TMEM232: variants seen among roughly 807,000 people sequenced by gnomAD.
The protein encoded by TMEM232 is transmembrane protein 232.
TMEM232 carries 80 observed loss-of-function variants against 78.8 expected under a neutral mutation model. The ratio of observed to expected loss-of-function variants is 1.01; its 90% CI spans 0.85 to 1.22. The LOEUF (loss-of-function observed/expected upper bound fraction) is 1.22, where lower values mean the gene tolerates loss of function less well. TMEM232 is among the 50% of genes most tolerant of loss of function. TMEM232 has a pLI of 0.00. For synonymous variants in TMEM232, 297 were observed against 254.3 expected (o/e 1.17, Z -1.60); for missense variants, 881 against 742.2 (o/e 1.19, Z -2.17).
chr5:110,539,778 C>G (rs2149573940), intron 11 of TMEM232, among the ~76,000 whole-genome samples: 1 of 152,258 alleles, frequency 6.6e-6, no homozygotes, highest in African/African-American at 2.4e-5. Flanking sequence ...AATTTCCTGG[C>G]AGACAGGGGA....
chr5:110,606,393 C>T (rs779531490), intron 8 of TMEM232, 106 bp from the exon 9 acceptor site: 48 of 1,110,834 alleles, frequency 4.3e-5, no homozygotes, highest in Non-Finnish European at 5.3e-5. Flanking sequence ...TGCATGTCTG[C>T]ATTACCAGAT....
At chr5:110,509,626 T>C (rs1006723014) in intron 12 of TMEM232, among the ~76,000 whole-genome samples, 5 of 152,198 alleles carry the variant, frequency 3.3e-5, no homozygotes, top group Non-Finnish European at 7.3e-5. Flanking sequence ...ATACATTATA[T>C]ATGGTATACA....
intron 11 of TMEM232, among the ~76,000 whole-genome samples, chr5:110,559,350 C>T (rs547814979): frequency 3.0e-4 from 45 of 151,924 alleles, no homozygotes; most frequent in East Asian, 7.7e-4. Context: ...AAATGAATGG[C>T]GTTACAATTT....
intron 12 of TMEM232, among the ~76,000 whole-genome samples, chr5:110,480,899 A>C (rs1218194215): frequency 6.6e-6 from 1 of 152,070 alleles, no homozygotes; most frequent in African/African-American, 2.4e-5. Context: ...TAAACAACCT[A>C]CATTGAATTC....
chr5:110,428,356 T>C (rs992233668), intron 12 of TMEM232, among the ~76,000 whole-genome samples: 3 of 151,894 alleles, frequency 2.0e-5, no homozygotes, highest in African/African-American at 7.2e-5. Context: ...AAACTTTCAA[T>C]TGTAAATTTT....
chr5:110,402,758 G>A (rs192407639), intron 2 of TMEM232, among the ~76,000 whole-genome samples: 3 of 152,180 alleles, frequency 2.0e-5, no homozygotes, highest in Admixed American at 6.6e-5. Flanking sequence ...AAGTCCAGAT[G>A]TCCAGATAGC....
At chr5:110,675,613 C>A (rs1419273444) in intron 1 of TMEM232, among the ~76,000 whole-genome samples, 1 of 152,178 alleles carries the variant, frequency 6.6e-6, no homozygotes, top group African/African-American at 2.4e-5. Flanking sequence ...ACTAGCTCAG[C>A]TGGCACCTTT....
chr5:110,492,745 T>C (rs2149423088), intron 12 of TMEM232, among the ~76,000 whole-genome samples: 1 of 152,102 alleles, frequency 6.6e-6, no homozygotes, highest in South Asian at 2.1e-4. Flanking sequence ...TAAGAACCAA[T>C]ACTCTACAGA....
At chr5:110,545,229 T>C (rs1344470542) in intron 11 of TMEM232, among the ~76,000 whole-genome samples, 1 of 152,016 alleles carries the variant, frequency 6.6e-6, no homozygotes, top group East Asian at 1.9e-4. Context: ...ACAGTGAGCT[T>C]AACCACCACC....
chr5:110,609,588 G>A (rs1425389034), intron 8 of TMEM232, among the ~76,000 whole-genome samples: 2 of 151,858 alleles, frequency 1.3e-5, no homozygotes, highest in South Asian at 2.1e-4. Flanking sequence ...GTGTCTATAG[G>A]CATGTGGGAT....
intron 10 of TMEM232, among the ~76,000 whole-genome samples, chr5:110,599,287 A>C (rs927143468): frequency 6.6e-6 from 1 of 152,188 alleles, no homozygotes; most frequent in Non-Finnish European, 1.5e-5. Flanking sequence ...ACCAGCTAGC[A>C]TCATGAAGAC....
At chr5:110,438,433 T>C (rs1368227562) in intron 12 of TMEM232, among the ~76,000 whole-genome samples, 1 of 151,876 alleles carries the variant, frequency 6.6e-6, no homozygotes, top group Non-Finnish European at 1.5e-5. Flanking sequence ...ATGATCTGAG[T>C]GCAGAGATTA....
In TMEM232 at chr5:110,497,673, TTC is replaced by T. The variant is rs1303890129; in HGVS notation, c.1703+30913_1703+30914del. Among the ~76,000 whole-genome samples, 5 of 152,114 alleles carry T rather than the reference TTC, an allele frequency of 3.3e-5. No individual in the cohort carries two copies. In the East Asian group the frequency reaches 7.7e-4, roughly 23 times the overall value. On this transcript the variant is annotated intron_variant, in intron 12 of 13. Coordinates refer to ENST00000455884, the MANE Select transcript of TMEM232 (RefSeq NM_001039763.4). Reference sequence around the variant, plus strand: ...GTTGACCCTTGATATACTCCATGCTTTCTCCAGTGTACCTCAATACGTAGAAC... The same window carrying T: ...GTTGACCCTTGATATACTCCATGCTTTCCAGTGTACCTCAATACGTAGAAC...
At chr5:110,637,552 C>CAT (rs903070518) in intron 5 of TMEM232, among the ~76,000 whole-genome samples, 1 of 151,156 alleles carries the variant, frequency 6.6e-6, no homozygotes, top group African/African-American at 2.4e-5. Flanking sequence ...TTGTTTCATT[C>CAT]ATATATATAT....
At chr5:110,466,427 G>C (rs1283914335) in intron 12 of TMEM232, among the ~76,000 whole-genome samples, 2 of 152,068 alleles carry the variant, frequency 1.3e-5, no homozygotes, top group African/African-American at 4.8e-5. Context: ...GGTTTCTCCA[G>C]TATCCACTTT....
At chr5:110,702,519 G>A (rs6883520) in intron 1 of TMEM232, among the ~76,000 whole-genome samples, 1 of 151,958 alleles carries the variant, frequency 6.6e-6, no homozygotes, top group Non-Finnish European at 1.5e-5. Flanking sequence ...GGATTCTTAA[G>A]TACTCTTACT....
intron 1 of TMEM232, among the ~76,000 whole-genome samples, chr5:110,700,825 G>GATAGATAT (rs1269419036): frequency 2.0e-5 from 3 of 149,976 alleles, no homozygotes; most frequent in Non-Finnish European, 4.5e-5. Context: ...TAGATAGATA[G>GATAGATAT]ATATAATAGA....
chr5:110,402,730 C>A (rs1482750222), intron 2 of TMEM232, among the ~76,000 whole-genome samples: 2 of 152,042 alleles, frequency 1.3e-5, no homozygotes, highest in Non-Finnish European at 2.9e-5. Context: ...ATTCTTTCAT[C>A]CATTGACTCA....
chr5:110,471,597 A>T (rs1762687097), intron 12 of TMEM232, among the ~76,000 whole-genome samples: 1 of 151,538 alleles, frequency 6.6e-6, no homozygotes, highest in Non-Finnish European at 1.5e-5. Flanking sequence ...GAATGGGATG[A>T]CATATTCCAA....
Sources: allele counts gnomAD v4.1 joint callset (sites outside exome capture counted in the v4.1 genomes callset), GRCh38; gene constraint gnomAD v4.1.1; transcripts MANE v1.5; gene names NCBI Gene and HGNC (gene_info 2026-07-23, HGNC 2026-07-21).